Variants in ST6GALNAC5 observed in about 807,000 individuals in gnomAD.
ST6GALNAC5 encodes the protein alpha-N-acetylgalactosaminide alpha-2,6-sialyltransferase 5.
Under a neutral mutation model 33.6 loss-of-function variants are expected in ST6GALNAC5, and 27 were observed. The observed-to-expected ratio is 0.80, with a 90% CI of 0.59 to 1.11. ST6GALNAC5 has a LOEUF of 1.11. Among genes scored for constraint, ST6GALNAC5 ranks in the 50% least tolerant of loss-of-function variants. The probability of loss-of-function intolerance (pLI) is 0.00; values close to 1 mark genes in which losing one functional copy is unlikely to be tolerated. For missense variants in ST6GALNAC5, 428 were observed against 454.0 expected, an observed-to-expected ratio of 0.94 and a Z score of 0.52; for synonymous variants, 194 against 171.2, an observed-to-expected ratio of 1.13 and a Z score of -1.04.
At chr1:77,011,073 T>G (rs983210223) in intron 2 of ST6GALNAC5, among the ~76,000 whole-genome samples, 5 of 111,854 alleles carry the variant, frequency 4.5e-5, no homozygotes, top group African/African-American at 1.7e-4. Flanking sequence ...GACAGAATAT[T>G]CTGGCAGACT....
intron 2 of ST6GALNAC5, among the ~76,000 whole-genome samples, chr1:76,915,672 A>T (rs1054037403): frequency 7.1e-6 from 1 of 140,370 alleles, no homozygotes; most frequent in Non-Finnish European, 1.5e-5. Flanking sequence ...GAAGGGGAAC[A>T]TCGCACTCGG....
At chr1:77,044,169 G>A in intron 2 of ST6GALNAC5, 35 bp from the exon 3 acceptor site, 2 of 1,562,932 alleles carry the variant, frequency 1.3e-6, no homozygotes, top group Non-Finnish European at 1.7e-6. Flanking sequence ...TAAGCCCTTT[G>A]CCCCTGACAG....
intron 2 of ST6GALNAC5, among the ~76,000 whole-genome samples, chr1:76,908,328 T>C (rs887343580): frequency 1.3e-5 from 2 of 152,154 alleles, no homozygotes; most frequent in Non-Finnish European, 2.9e-5. Context: ...CTTCTCACTA[T>C]GTCCTCACAT....
At chr1:76,908,845 A>G (rs1646887248) in intron 2 of ST6GALNAC5, among the ~76,000 whole-genome samples, 2 of 152,212 alleles carry the variant, frequency 1.3e-5, no homozygotes, top group Admixed American at 6.6e-5. Flanking sequence ...ATGAATAAAT[A>G]GATTTTTCCA....
chr1:76,994,841 G>A (rs926126370), intron 2 of ST6GALNAC5, among the ~76,000 whole-genome samples: 1 of 152,146 alleles, frequency 6.6e-6, no homozygotes, highest in African/African-American at 2.4e-5. Flanking sequence ...CGTAGTATCT[G>A]CCCCTGTAGA....
chr1:76,899,128 G>A (rs548783646), intron 2 of ST6GALNAC5, among the ~76,000 whole-genome samples: 17 of 152,258 alleles, frequency 1.1e-4, no homozygotes, highest in East Asian at 9.7e-4. Flanking sequence ...AACTACTGTC[G>A]AGTTTGTATT....
At chr1:76,916,908 T>G (rs185292407) in intron 2 of ST6GALNAC5, among the ~76,000 whole-genome samples, 1 of 152,322 alleles carries the variant, frequency 6.6e-6, no homozygotes, top group East Asian at 1.9e-4. Flanking sequence ...TCAGTGTTAA[T>G]GCCACTAAAA....
At chr1:76,889,644 T>C (rs958953152) in intron 2 of ST6GALNAC5, among the ~76,000 whole-genome samples, 3 of 152,122 alleles carry the variant, frequency 2.0e-5, no homozygotes, top group Non-Finnish European at 2.9e-5. Flanking sequence ...TTTAAGTAAG[T>C]ACATTGTCTC....
chr1:76,973,678 T>A (rs924303527), intron 2 of ST6GALNAC5, among the ~76,000 whole-genome samples: 5 of 152,046 alleles, frequency 3.3e-5, no homozygotes, highest in African/African-American at 1.2e-4. Flanking sequence ...CCACCCCCAC[T>A]CCAAAGTTAT....
intron 2 of ST6GALNAC5, among the ~76,000 whole-genome samples, chr1:76,933,029 A>T (rs1276568928): frequency 1.3e-5 from 2 of 152,066 alleles, no homozygotes; most frequent in Non-Finnish European, 2.9e-5. Context: ...TCGTTCTCTG[A>T]GATTGCTTCT....
chr1:77,043,897 A>G (rs1208132957), intron 2 of ST6GALNAC5, among the ~76,000 whole-genome samples: 2 of 152,196 alleles, frequency 1.3e-5, no homozygotes, highest in Non-Finnish European at 2.9e-5. Context: ...CATCTGTAAA[A>G]TGACCACGAG....
rs151173237 is a variant in ST6GALNAC5 at position 76,905,437 on chromosome 1, A to T, written c.261+36695A>T. Among the ~76,000 whole-genome samples, 87 of 152,284 alleles carry T rather than the reference A, an allele frequency of 5.7e-4. 1 individual carries two copies. The East Asian group carries it at 0.015, about 27-fold the overall frequency. On this transcript the variant is annotated intron_variant, in intron 2 of 4. Coordinates refer to ENST00000477717, the MANE Select transcript of ST6GALNAC5 (RefSeq NM_030965.3). Reference sequence around the variant, plus strand: ...CAGGCTGTGAGACACCCTCCCCTTAAATTTACATAGAGACAGAAGGTATAG... The same window carrying T: ...CAGGCTGTGAGACACCCTCCCCTTATATTTACATAGAGACAGAAGGTATAG...
intron 2 of ST6GALNAC5, among the ~76,000 whole-genome samples, chr1:76,880,696 G>A (rs1653760022): frequency 6.6e-5 from 10 of 152,138 alleles, no homozygotes. Flanking sequence ...CAGATTAAGG[G>A]TGGATCTGCC....
chr1:77,007,031 T>A (rs59726610), intron 2 of ST6GALNAC5, among the ~76,000 whole-genome samples: 3,488 of 152,266 alleles, frequency 0.023, 141 homozygotes, highest in African/African-American at 0.08. Flanking sequence ...CTCCAGTGCA[T>A]AAGCTCTTTT....
At chr1:76,955,872 G>A (rs1478852247) in intron 2 of ST6GALNAC5, among the ~76,000 whole-genome samples, 1 of 152,182 alleles carries the variant, frequency 6.6e-6, no homozygotes, top group Non-Finnish European at 1.5e-5. Flanking sequence ...AACAGCAGGG[G>A]TTATATAGGA....
At position 76,958,641 on chromosome 1, in the gene ST6GALNAC5, C is replaced by T. The variant is rs1175413198; in HGVS notation, c.262-85563C>T. Among the ~76,000 whole-genome samples, 8 of 152,028 alleles carry T rather than the reference C, an allele frequency of 5.3e-5. No homozygotes were observed. In the East Asian group the frequency reaches 1.2e-3, roughly 22 times the overall value. On this transcript the variant is annotated intron_variant, in intron 2 of 4. Coordinates refer to ENST00000477717, the MANE Select transcript of ST6GALNAC5 (RefSeq NM_030965.3). ...TTTTGTTTTTTAATAGTAGATGGCA[C>T]ATTTTGTGTGATGGGATGGGGGTGG...
At chr1:77,042,926 C>A (rs1251266569) in intron 2 of ST6GALNAC5, among the ~76,000 whole-genome samples, 1 of 152,206 alleles carries the variant, frequency 6.6e-6, no homozygotes, top group African/African-American at 2.4e-5. Context: ...TGGGCCCATC[C>A]TGCTACATCC....
intron 2 of ST6GALNAC5, among the ~76,000 whole-genome samples, chr1:76,954,503 C>T (rs148106124): frequency 2.3e-4 from 35 of 151,992 alleles, no homozygotes; most frequent in Admixed American, 6.6e-4. Flanking sequence ...AAAAAGCCTG[C>T]GCATCCTGCA....
intron 2 of ST6GALNAC5, among the ~76,000 whole-genome samples, chr1:76,935,754 C>T (rs1647195527): frequency 6.6e-6 from 1 of 151,924 alleles, no homozygotes; most frequent in African/African-American, 2.4e-5. Flanking sequence ...CTATAAAAAA[C>T]CTATAGCAAT....
Sources: allele counts gnomAD v4.1 joint callset (sites outside exome capture counted in the v4.1 genomes callset), GRCh38; gene constraint gnomAD v4.1.1; transcripts MANE v1.5; gene names NCBI Gene and HGNC (gene_info 2026-07-23, HGNC 2026-07-21).